The following CUL7 variants were observed in gnomAD, a reference collection of about 807,000 sequenced individuals.
CUL7 encodes the protein cullin-7.
In CUL7, 96 loss-of-function variants were observed where a neutral mutation model predicts 177.7. The observed-to-expected ratio is 0.54, with a 90% CI of 0.46 to 0.64. The LOEUF is 0.64. Ranked by LOEUF, CUL7 falls within the 30% of genes least tolerant of loss-of-function variation. The probability of loss-of-function intolerance (pLI) is 0.00; values close to 1 mark genes in which losing one functional copy is unlikely to be tolerated. For synonymous variants in CUL7, 824 were observed against 890.2 expected, an observed-to-expected ratio of 0.93 and a Z score of 1.32; for missense variants, 1,893 against 2,187.9, an observed-to-expected ratio of 0.87 and a Z score of 2.69.
In CUL7 at chr6:43,051,561, A is replaced by C. The variant is rs1196657125; in HGVS notation, c.732+51T>G. The C allele has an allele frequency of 1.2e-6, 2 of 1,614,032 alleles. No individual in the cohort carries two copies. Among genetic ancestry groups the C allele is most frequent in the South Asian group, 2.2e-5 (2 of 91,008 alleles). On this transcript the variant is annotated intron_variant, in intron 3 of 25. Transcript: ENST00000265348. This position sits in a 1 kb window ranked among gnomAD's most constrained non-coding sequence, Gnocchi z 5.0. The stretch of plus-strand genomic sequence containing the variant: ...TCTGCAGATAGGTGCAAAGGCCTGG[A>C]CCCTAGATCTTGTTCACAAGTTCCC...
Position 43,052,681 on chromosome 6 carries a change from A to G in CUL7, c.108T>C (p.Pro36=). ...GGATGAGCCAACGGATCTGGTACTC[A>G]GGATGCCCATCATGGCCCACGCGCT... ...IRQRVGHDGH[P]EYQIRWLILR... The change falls in exon 2 of 26, where the codon CCT becomes CCC. Residue 36 remains proline, a synonymous_variant. Coordinates refer to ENST00000265348, the MANE Select transcript of CUL7 (RefSeq NM_014780.5). This position sits in a 1 kb window ranked among gnomAD's most constrained non-coding sequence, Gnocchi z 4.5. 3.1e-6 allele frequency: 5 copies of G among 1,614,136 alleles called. No individual in the cohort carries two copies. The highest frequency in any genetic ancestry group is 4.2e-6 in the Non-Finnish European group (5 of 1,180,038).
In CUL7 at chr6:43,048,452, T is replaced by G; in HGVS notation, c.1943A>C (p.Gln648Pro). Residue 648 changes from glutamine to proline, a missense_variant, in exon 8 of 26, where the codon CAG becomes CCG. Physicochemically the swap from Gln to Pro is moderately conservative, Grantham distance 76. Transcript: ENST00000265348. ...LEQALSSEGT[Q>P]ENKVKPLLLQ... ...CAGGAGTGGCTTGACCTTGTTCTCC[T>G]GGGTCCCCTCTGAGCTGAGGGCTTG... The G allele has an allele frequency of 1.2e-6, 2 of 1,614,130 alleles. No homozygotes were observed. The highest frequency in any genetic ancestry group is 1.7e-6 in the Non-Finnish European group (2 of 1,179,978).
At position 43,043,322 on chromosome 6, in the gene CUL7, G is replaced by A; in HGVS notation, c.3355+126C>T. 1 of 1,219,776 alleles carries A rather than the reference G, an allele frequency of 8.2e-7. No individual in the cohort carries two copies. Among genetic ancestry groups the A allele is most frequent in the Non-Finnish European group, 1.2e-6 (1 of 836,654 alleles). The allele number at this position is 1,219,776 out of a possible 1,614,324, so 75.6% of individuals were successfully genotyped here. A position where few individuals can be genotyped will look rare whatever the true frequency, so the allele number is the denominator to read the frequency against. ...TCATGGATGGAGGTGACACAAACCT[G>A]GAAGATGAACAGGCTGAGCCCATAG... is the stretch of plus-strand genomic sequence containing the variant. On this transcript the variant is annotated intron_variant, in intron 17 of 25. Coordinates refer to ENST00000265348, the MANE Select transcript of CUL7 (RefSeq NM_014780.5). The surrounding 1 kb of genome is among the most constrained non-coding windows in gnomAD (Gnocchi z 4.2).
chr6:43,043,598 G>A lies in CUL7; in HGVS notation c.3205C>T (p.Leu1069=), dbSNP rs1237456835. 2 of 1,612,524 alleles carry A rather than the reference G, an allele frequency of 1.2e-6. No individual in the cohort carries two copies. The highest frequency in any genetic ancestry group is 1.7e-6 in the Non-Finnish European group (2 of 1,179,260). ...TCCTGACACTCCAGGTACTGGTCCAGCAGCCAACCCAGGGGGCTAATGCCA... is the reference window on the plus strand; with the variant it reads ...TCCTGACACTCCAGGTACTGGTCCAACAGCCAACCCAGGGGGCTAATGCCA... The part of the protein sequence containing the change: ...EDGISPLGWL[L]DQYLECQEAV... Residue 1069 remains leucine, a synonymous_variant, in exon 17 of 26, where the codon CTG becomes TTG. Transcript: ENST00000265348. The surrounding 1 kb of genome is among the most constrained non-coding windows in gnomAD (Gnocchi z 4.2).
At position 43,037,996 on chromosome 6, in the gene CUL7, G is replaced by C; in HGVS notation, c.4789C>G (p.Gln1597Glu). 2 of 1,593,238 alleles carry C rather than the reference G, an allele frequency of 1.3e-6. No individual in the cohort carries two copies. Among genetic ancestry groups the C allele is most frequent in the Non-Finnish European group, 8.6e-7 (1 of 1,168,450 alleles). ...QLVCLVLEAW[Q>E]KGPCPPRGLV... ...CCCCTGGGAGGACACGGGCCCTTCT[G>C]CCAAGCCTCCAGCACCTGGTGTGGG... The change falls in exon 26 of 26, where the codon CAG becomes GAG. Residue 1597 changes from glutamine (Q) to glutamate (E), a missense_variant. By Grantham distance (29) the Gln-to-Glu change is conservative. Around this residue, in one of 5 missense-constraint regions of CUL7, gnomAD observed 248 missense variants for 262.5 expected, o/e 0.94. Coordinates refer to ENST00000265348, the MANE Select transcript of CUL7 (RefSeq NM_014780.5).
rs768623049 is a variant in CUL7, at chr6:43,045,433, C to T, written c.2863-31G>A. 3.1e-6 allele frequency: 5 copies of T among 1,614,000 alleles called. No homozygotes were observed. Among genetic ancestry groups the T allele is most frequent in the Middle Eastern group, 1.6e-4 (1 of 6,084 alleles). On this transcript the variant is annotated intron_variant, in intron 14 of 25. Coordinates refer to ENST00000265348, the MANE Select transcript of CUL7 (RefSeq NM_014780.5). The surrounding 1 kb of genome is among the most constrained non-coding windows in gnomAD (Gnocchi z 4.8). ...ACACACACAGGACTATCTTCACTCG[C>T]TCCACACCTTGGGATGGGCTGGGGT...
At position 43,043,700 on chromosome 6, in the gene CUL7, A is replaced by C; in HGVS notation, c.3173-70T>G. Reference sequence around the variant, plus strand: ...GGAAGTGGGAGTGGTTGGGCTGAACAGGAGTGTGGAGATAGAGCAACTGGA... The same window carrying C: ...GGAAGTGGGAGTGGTTGGGCTGAACCGGAGTGTGGAGATAGAGCAACTGGA... On this transcript the variant is annotated intron_variant, in intron 16 of 25. Coordinates refer to ENST00000265348, the MANE Select transcript of CUL7 (RefSeq NM_014780.5). This position sits in a 1 kb window ranked among gnomAD's most constrained non-coding sequence, Gnocchi z 4.2. 3 of 1,022,528 alleles carry C rather than the reference A, an allele frequency of 2.9e-6. No homozygotes were observed. The highest frequency in any genetic ancestry group is 4.5e-6 in the Non-Finnish European group (3 of 663,122). The allele number at this position is 1,022,528 out of a possible 1,614,324, so 63.3% of individuals were successfully genotyped here.
Position 43,046,548 on chromosome 6 carries a change from G to A in CUL7, c.2451C>T (p.Ile817=), listed in dbSNP as rs766884444. 1.2e-6 allele frequency: 2 copies of A among 1,614,048 alleles called. No individual in the cohort carries two copies. The highest frequency in any genetic ancestry group is 8.5e-7 in the Non-Finnish European group (1 of 1,180,026). ...DHRRTHQPIN[I]PFFDVFLRYL... ...ATCTGAGGAACACATCAAAGAAAGG[G>A]ATGTTGATGGGTTGGTGGGTTCGTC... Residue 817 remains isoleucine (I), a synonymous_variant, in exon 11 of 26, where the codon ATC becomes ATT. Transcript: ENST00000265348.
chr6:43,043,168 C>T lies in CUL7; in HGVS notation c.3368G>A (p.Arg1123Lys). 1 of 1,613,900 alleles carries T rather than the reference C, an allele frequency of 6.2e-7. No homozygotes were observed. The highest frequency in any genetic ancestry group is 8.5e-7 in the Non-Finnish European group (1 of 1,179,886). ...AGCCAAGGAGCTCCAGTCGTGGCTTCTGTTTCTGCCTTCTGTAGAGACCAA... is the reference window on the plus strand; with the variant it reads ...AGCCAAGGAGCTCCAGTCGTGGCTTTTGTTTCTGCCTTCTGTAGAGACCAA... ...VATPRPKGRN[R>K]SHDWSSLATR... The change falls in exon 18 of 26, where the codon AGA (arginine) becomes AAA (lysine). Residue 1123 changes from arginine to lysine, a missense_variant. Physicochemically the swap from Arg to Lys is conservative, Grantham distance 26. This residue lies in a region of CUL7 where 973 missense variants were observed against 1,140.9 expected (regional missense o/e 0.85). Coordinates refer to ENST00000265348, the MANE Select transcript of CUL7 (RefSeq NM_014780.5). This position sits in a 1 kb window ranked among gnomAD's most constrained non-coding sequence, Gnocchi z 4.2.
chr6:43,050,540 T>G lies in CUL7; in HGVS notation c.1234-142A>C. 3 of 620,962 alleles carry G rather than the reference T, an allele frequency of 4.8e-6. No homozygotes were observed. Among genetic ancestry groups the G allele is most frequent in the East Asian group, 3.3e-5 (1 of 30,294 alleles). The allele number at this position is 620,962 out of a possible 1,614,324, so 38.5% of individuals were successfully genotyped here. A position where few individuals can be genotyped will look rare whatever the true frequency, so the allele number is the denominator to read the frequency against. On this transcript the variant is annotated intron_variant, in intron 4 of 25. Coordinates refer to ENST00000265348, the MANE Select transcript of CUL7 (RefSeq NM_014780.5). The surrounding 1 kb of genome is among the most constrained non-coding windows in gnomAD (Gnocchi z 4.1). ...ACCTCCACATAACAAAACAGCAGCA[T>G]ATGGAGAATACACACACACACACAC...
chr6:43,043,896 G>A lies in CUL7; in HGVS notation c.3173-266C>T, dbSNP rs978161944. 1.3e-5 allele frequency among the ~76,000 whole-genome samples: 2 copies of A among 152,202 alleles called. No homozygotes were observed. The highest frequency in any genetic ancestry group is 2.9e-5 in the Non-Finnish European group (2 of 68,042). ...GAAATAAGCATAAAAAAATAGAAAA[G>A]GCCAGGTGCGGTGGCTCATGCCTGT... On this transcript the variant is annotated intron_variant, in intron 16 of 25. Coordinates refer to ENST00000265348, the MANE Select transcript of CUL7 (RefSeq NM_014780.5). The surrounding 1 kb of genome is among the most constrained non-coding windows in gnomAD (Gnocchi z 4.2).
In CUL7 at chr6:43,052,464, C is replaced by T; in HGVS notation, c.325G>A (p.Glu109Lys). 1 of 1,614,172 alleles carries T rather than the reference C, an allele frequency of 6.2e-7. No individual in the cohort carries two copies. The highest frequency in any genetic ancestry group is 2.2e-5 in the East Asian group (1 of 44,884). ...VGALDKSVLE[E>K]METDVKSLIQ... The stretch of plus-strand genomic sequence containing the variant: ...AGGGACTTCACGTCGGTTTCCATCT[C>T]CTCCAGCACAGATTTGTCCAGGGCC... Residue 109 changes from glutamate (E) to lysine (K), a missense_variant, in exon 2 of 26, where the codon GAG (glutamate) becomes AAG (lysine). Physicochemically the swap from Glu to Lys is moderately conservative, Grantham distance 56. Coordinates refer to ENST00000265348, the MANE Select transcript of CUL7 (RefSeq NM_014780.5). The surrounding 1 kb of genome is among the most constrained non-coding windows in gnomAD (Gnocchi z 4.5).
Position 43,038,959 on chromosome 6 carries a change from G to A in CUL7, c.4323C>T (p.Gly1441=), listed in dbSNP as rs148472550. 5.9e-4 allele frequency: 959 copies of A among 1,612,824 alleles called. 14 individuals are homozygous for A. In the East Asian group the frequency reaches 0.02, roughly 33 times the overall value. Residue 1441 remains glycine, a synonymous_variant, in exon 23 of 26, where the codon GGC becomes GGT. Coordinates refer to ENST00000265348, the MANE Select transcript of CUL7 (RefSeq NM_014780.5). ...ACGTCCACTGCAGTCGCCTCTGTGA[G>A]CCTCGCTCAAGGGCAGGGTGGCTCT... ...KSQSHPALER[G]SQRRLQWTWL... is the part of the protein sequence containing the mutation.
At position 43,044,868 on chromosome 6, in the gene CUL7, C is replaced by T. The variant is rs546860134; in HGVS notation, c.3056G>A (p.Arg1019His). 45 of 1,613,620 alleles carry T rather than the reference C, an allele frequency of 2.8e-5. No homozygotes were observed. Among genetic ancestry groups the T allele is most frequent in the South Asian group, 5.5e-5 (5 of 91,066 alleles). The part of the protein sequence containing the change: ...HLSSRLNGAL[R>H]QEQNFADRFL... The stretch of plus-strand genomic sequence containing the variant: ...GCGGTCAGCAAAATTCTGCTCCTGG[C>T]GCAGAGCACCGTTGAGTCTGGGGGT... Residue 1019 changes from arginine (R) to histidine (H), a missense_variant, in exon 16 of 26, where the codon CGC becomes CAC. By Grantham distance (29) the Arg-to-His change is conservative (BLOSUM62 0). Coordinates refer to ENST00000265348, the MANE Select transcript of CUL7 (RefSeq NM_014780.5).
rs757304886 is a variant in CUL7, at chr6:43,052,100, A to G, written c.580+109T>C. Reference sequence around the variant, plus strand: ...CCAACTCTAAGAGAAGGGCAACAGAATCATTTACGTACTGATGAGATCAGA... The same window carrying G: ...CCAACTCTAAGAGAAGGGCAACAGAGTCATTTACGTACTGATGAGATCAGA... On this transcript the variant is annotated intron_variant, in intron 2 of 25. Transcript: ENST00000265348. The surrounding 1 kb of genome is among the most constrained non-coding windows in gnomAD (Gnocchi z 4.5). 6.5e-7 allele frequency: 1 copy of G among 1,542,826 alleles called. No individual in the cohort carries two copies. The highest frequency in any genetic ancestry group is 1.2e-5 in the South Asian group (1 of 84,570).
In CUL7 at chr6:43,040,499, C is replaced by G. The variant is rs1246204311; in HGVS notation, c.4023+31G>C. On this transcript the variant is annotated intron_variant, in intron 21 of 25. Transcript: ENST00000265348. The surrounding 1 kb of genome is among the most constrained non-coding windows in gnomAD (Gnocchi z 4.2). The stretch of plus-strand genomic sequence containing the variant: ...TCCACGCCCCTCTTCCCCCTACCCT[C>G]TTATTTGCTTATCCCTTCCAAGGCA... 1.9e-6 allele frequency: 3 copies of G among 1,613,336 alleles called. No individual in the cohort carries two copies. Among genetic ancestry groups the G allele is most frequent in the Non-Finnish European group, 2.5e-6 (3 of 1,180,026 alleles).
chr6:43,044,885 T>C lies in CUL7; in HGVS notation c.3039A>G (p.Arg1013=). ...GCTCCTGGCGCAGAGCACCGTTGAG[T>C]CTGGGGGTGAGAATGGAGGAGGAAG... is the stretch of plus-strand genomic sequence containing the variant. ...DRRSLLHLSS[R]LNGALRQEQN... The change falls in exon 16 of 26, where the codon AGA becomes AGG. Residue 1013 remains arginine, a splice_region_variant and synonymous_variant. Transcript: ENST00000265348. 6.2e-7 allele frequency: 1 copy of C among 1,612,704 alleles called. No individual in the cohort carries two copies. Among genetic ancestry groups the C allele is most frequent in the South Asian group, 1.1e-5 (1 of 91,012 alleles).
chr6:43,046,755 A>G (rs1415808164), intron 10 of CUL7, 125 bp downstream of exon 10: 1 of 1,316,822 alleles, frequency 7.6e-7, no homozygotes, highest in East Asian at 2.4e-5. Flanking sequence ...GAAGGGGAAC[A>G]AATGCCCCAG....
In CUL7 at chr6:43,040,058, A is replaced by C; in HGVS notation, c.4294+98T>G. The C allele has an allele frequency of 7.0e-7, 1 of 1,432,576 alleles. No homozygotes were observed. Among genetic ancestry groups the C allele is most frequent in the Non-Finnish European group, 9.8e-7 (1 of 1,017,010 alleles). 88.7% of individuals were successfully genotyped at this position (1,432,576 alleles called of 1,614,324 possible). On this transcript the variant is annotated intron_variant, in intron 22 of 25. Coordinates refer to ENST00000265348, the MANE Select transcript of CUL7 (RefSeq NM_014780.5). The surrounding 1 kb of genome is among the most constrained non-coding windows in gnomAD (Gnocchi z 4.2). ...CCAGCCAAAGACTATCTCTTTTTAC[A>C]TCAAGCCTCCCAACATCAGGGTCTG...
Sources: gnomAD v4.1 joint callset for allele counts (sites outside exome capture counted in the v4.1 genomes callset) on GRCh38, gnomAD v4.1.1 for gene constraint, gnomAD v4.1.1 regional missense constraint, Gnocchi (gnomAD v3.1) non-coding constraint, MANE v1.5 for transcripts, NCBI Gene and HGNC (gene_info 2026-07-23, HGNC 2026-07-21) for gene names.